ATG4B: variants seen among roughly 807,000 people sequenced by gnomAD.
The protein encoded by ATG4B is cysteine protease ATG4B.
In ATG4B, 29 loss-of-function variants were observed where a neutral mutation model predicts 56.6. That is an observed-to-expected ratio of 0.51 (90% CI 0.38 to 0.70). The LOEUF is 0.70. Ranked by LOEUF, ATG4B falls within the 30% of genes least tolerant of loss-of-function variation. The pLI is 0.00. For missense variants in ATG4B, 461 were observed against 515.5 expected (o/e 0.89, Z 1.02); for synonymous variants, 224 against 206.1 (o/e 1.09, Z -0.74).
At chr2:241,654,691 G>A in intron 5 of ATG4B, 44 bp downstream of exon 5, 1 of 1,498,326 alleles carries the variant, frequency 6.7e-7, no homozygotes. Context: ...GGGCTGTCTG[G>A]AGAGGGTGGA....
chr2:241,666,042 C>G (rs973321063), intron 7 of ATG4B, among the ~76,000 whole-genome samples: 39 of 152,226 alleles, frequency 2.6e-4, no homozygotes, highest in African/African-American at 9.2e-4. Flanking sequence ...CCCTTATGTT[C>G]TGGGTTAAGC....
chr2:241,671,246 C>A, intron 11 of ATG4B, 66 bp from the exon 12 acceptor site: 1 of 1,444,204 alleles, frequency 6.9e-7, no homozygotes, highest in Non-Finnish European at 9.5e-7. Flanking sequence ...GCCGGCTGGC[C>A]CCTTTCTCTT....
In ATG4B at chr2:241,643,843, G is replaced by A. The variant is rs147394965; in HGVS notation, c.10+6119G>A. ...CTCCTAAAGTGCTGGGATTACAGGT[G>A]TGAGCCACTGCACCCGGCGAGTGGA... is the stretch of plus-strand genomic sequence containing the variant. On this transcript the variant is annotated intron_variant, in intron 1 of 12. Transcript: ENST00000404914. 1.1e-4 allele frequency among the ~76,000 whole-genome samples: 17 copies of A among 151,974 alleles called. No homozygotes were observed. The East Asian group carries it at 3.3e-3, about 30-fold the overall frequency.
intron 1 of ATG4B, 80 bp downstream of exon 1, chr2:241,637,804 C>T: frequency 1.1e-5 from 16 of 1,428,622 alleles, no homozygotes; most frequent in Non-Finnish European, 1.5e-5. Context: ...GTCGGGCTGC[C>T]GCGACTCGCC....
At chr2:241,665,337 A>G (rs908990343) in intron 7 of ATG4B, among the ~76,000 whole-genome samples, 3 of 152,162 alleles carry the variant, frequency 2.0e-5, no homozygotes, top group African/African-American at 7.2e-5. Context: ...AAAAGAGGTG[A>G]CGCCACGACT....
chr2:241,654,497 T>G, intron 4 of ATG4B, 49 bp from the exon 5 acceptor site: 1 of 1,335,142 alleles, frequency 7.5e-7, no homozygotes, highest in Non-Finnish European at 1.1e-6. Context: ...AGTGAAAACT[T>G]GTTTCTCATA....
At chr2:241,643,208 G>A (rs897706941) in intron 1 of ATG4B, among the ~76,000 whole-genome samples, 18 of 151,250 alleles carry the variant, frequency 1.2e-4, no homozygotes, top group African/African-American at 1.7e-4. Context: ...TTCCTCCTGC[G>A]TGTCATCTTT....
At position 241,666,631 on chromosome 2, in the gene ATG4B, G is replaced by T. The variant is rs1559269839; in HGVS notation, c.539-14G>T. 6.2e-7 allele frequency: 1 copy of T among 1,612,728 alleles called. No homozygotes were observed. Among genetic ancestry groups the T allele is most frequent in the Admixed American group, 1.7e-5 (1 of 59,898 alleles). On this transcript the variant is annotated splice_polypyrimidine_tract_variant and intron_variant, in intron 7 of 12. Transcript: ENST00000404914. ...AGGTCTGCTTGGTTAGTGAAAGCAT[G>T]TCTCCCTTTCTAGGAAGGTTGTGCA...
At chr2:241,657,983 G>T (rs1417262980) in intron 6 of ATG4B, among the ~76,000 whole-genome samples, 1 of 152,020 alleles carries the variant, frequency 6.6e-6, no homozygotes, top group Non-Finnish European at 1.5e-5. Context: ...CCCGACACCT[G>T]CCTGGGTTGC....
intron 6 of ATG4B, among the ~76,000 whole-genome samples, chr2:241,658,527 C>T (rs972766536): frequency 2.6e-5 from 4 of 152,224 alleles, no homozygotes; most frequent in East Asian, 3.8e-4. Context: ...ACCCCACCTC[C>T]GCCAGACCTG....
At chr2:241,639,888 G>A (rs1009989011) in intron 1 of ATG4B, among the ~76,000 whole-genome samples, 5 of 152,240 alleles carry the variant, frequency 3.3e-5, no homozygotes, top group Non-Finnish European at 4.4e-5. Context: ...GCACCAAACA[G>A]GAAGAGAGGT....
intron 6 of ATG4B, among the ~76,000 whole-genome samples, chr2:241,656,302 G>A (rs530239047): frequency 3.7e-4 from 56 of 151,994 alleles, no homozygotes; most frequent in African/African-American, 1.2e-3. Context: ...CACGTCACCC[G>A]CGTCCCACGT....
chr2:241,639,992 C>T (rs546515174), intron 1 of ATG4B, among the ~76,000 whole-genome samples: 14 of 152,116 alleles, frequency 9.2e-5, no homozygotes, highest in Non-Finnish European at 1.8e-4. Context: ...GGTGACCCAC[C>T]CCTCTCTGCC....
chr2:241,648,350 C>T (rs1167005175), intron 1 of ATG4B, among the ~76,000 whole-genome samples: 1 of 151,928 alleles, frequency 6.6e-6, no homozygotes, highest in East Asian at 1.9e-4. Flanking sequence ...TAATCCCAGC[C>T]TTCGGGAGGC....
chr2:241,661,911 G>A (rs971020658), intron 7 of ATG4B, among the ~76,000 whole-genome samples: 4 of 152,174 alleles, frequency 2.6e-5, no homozygotes, highest in Admixed American at 6.5e-5. Context: ...ATTGGAAAAC[G>A]TGTCAGTCTG....
chr2:241,647,575 G>A lies in ATG4B; in HGVS notation c.11-3435G>A, dbSNP rs190857565. On this transcript the variant is annotated intron_variant, in intron 1 of 12. Transcript: ENST00000404914. Reference sequence around the variant, plus strand: ...GCAGAGCTTGCAGTGAGCCGAGATCGCGCTACTGCACTCCAGCCTGGTGGG... The same window carrying A: ...GCAGAGCTTGCAGTGAGCCGAGATCACGCTACTGCACTCCAGCCTGGTGGG... Among the ~76,000 whole-genome samples, 179 of 144,152 alleles carry A rather than the reference G, an allele frequency of 1.2e-3. 1 individual carries two copies. The highest frequency in any genetic ancestry group is 4.1e-3 in the African/African-American group (158 of 38,528). 94.6% of individuals were successfully genotyped at this position (144,152 alleles called of 152,430 possible).
At chr2:241,661,149 G>A (rs771252853) in intron 7 of ATG4B, among the ~76,000 whole-genome samples, 30 of 152,240 alleles carry the variant, frequency 2.0e-4, no homozygotes, top group Non-Finnish European at 4.0e-4. Flanking sequence ...CCCAGCCCCT[G>A]GGGATGGTGG....
At chr2:241,654,816 G>A (rs1473065517) in intron 5 of ATG4B, 169 bp downstream of exon 5, 1 of 623,454 alleles carries the variant, frequency 1.6e-6, no homozygotes, top group South Asian at 2.0e-5. Context: ...TCACCCCCGT[G>A]TCATCCCACA....
chr2:241,653,298 C>A, intron 3 of ATG4B: 1 of 1,539,618 alleles, frequency 6.5e-7, no homozygotes, highest in Non-Finnish European at 8.8e-7. Context: ...GTGTTTTGCC[C>A]ATTTTGAGGA....
Sources: allele counts gnomAD v4.1 joint callset (sites outside exome capture counted in the v4.1 genomes callset), GRCh38; gene constraint gnomAD v4.1.1; transcripts MANE v1.5; gene names NCBI Gene and HGNC (gene_info 2026-07-23, HGNC 2026-07-21).